CDC42SE2: variants seen among roughly 807,000 people sequenced by gnomAD.
CDC42SE2 encodes the protein CDC42 small effector protein 2.
CDC42SE2 carries 3 observed loss-of-function variants against 11.5 expected under a neutral mutation model. The ratio of observed to expected loss-of-function variants is 0.26; its 90% CI spans 0.12 to 0.67. The LOEUF (loss-of-function observed/expected upper bound fraction) is 0.67, where lower values mean the gene tolerates loss of function less well. CDC42SE2 is among the 30% of genes least tolerant of loss of function. The pLI is 0.80. For missense variants in CDC42SE2, 82 were observed against 106.8 expected (o/e 0.77, Z 1.02); for synonymous variants, 33 against 34.8 (o/e 0.95, Z 0.18).
intron 1 of CDC42SE2, among the ~76,000 whole-genome samples, chr5:131,314,306 A>G (rs1053425878): frequency 6.7e-6 from 1 of 149,384 alleles, no homozygotes; most frequent in African/African-American, 2.5e-5. Context: ...ATCATAGCTC[A>G]CTGTAACCTC....
At chr5:131,248,313 T>C (rs1203298083) in intron 1 of CDC42SE2, among the ~76,000 whole-genome samples, 1 of 152,076 alleles carries the variant, frequency 6.6e-6, no homozygotes, top group Admixed American at 6.6e-5. Context: ...CTAATTTTTG[T>C]ATTTTTAGTA....
chr5:131,299,569 G>T (rs1757638741), intron 1 of CDC42SE2, among the ~76,000 whole-genome samples: 1 of 152,204 alleles, frequency 6.6e-6, no homozygotes, highest in Non-Finnish European at 1.5e-5. Context: ...AAGCAGAGTT[G>T]AGTTAAGAAG....
At chr5:131,240,294 C>CAGAAA in the CDC42SE2 span, among the ~76,000 whole-genome samples, 9 of 152,190 alleles carry the variant, frequency 5.9e-5, no homozygotes, top group Non-Finnish European at 8.8e-5. Context: ...TATTGGGTTT[C>CAGAAA]TCTCCTAACA....
intron 1 of CDC42SE2, among the ~76,000 whole-genome samples, chr5:131,303,809 C>T (rs1580741774): frequency 6.6e-6 from 1 of 152,066 alleles, no homozygotes; most frequent in African/African-American, 2.4e-5. Context: ...TGTGACTGCC[C>T]TAAAAGTATT....
intron 1 of CDC42SE2, among the ~76,000 whole-genome samples, chr5:131,264,495 C>T (rs890717793): frequency 2.0e-5 from 3 of 151,902 alleles, no homozygotes; most frequent in Non-Finnish European, 2.9e-5. Context: ...AGGCAGACCC[C>T]CCCCCTCCCC....
intron 1 of CDC42SE2, among the ~76,000 whole-genome samples, chr5:131,278,713 T>TC (rs1457515902): frequency 2.2e-4 from 7 of 32,178 alleles, no homozygotes; most frequent in Non-Finnish European, 3.0e-4. Flanking sequence ...TCCTTTCCTC[T>TC]CCCCTCCCCT....
At chr5:131,252,093 G>GAAGGAAGGAAGA (rs1756644172) in intron 1 of CDC42SE2, among the ~76,000 whole-genome samples, 1 of 151,154 alleles carries the variant, frequency 6.6e-6, no homozygotes, top group Non-Finnish European at 1.5e-5. Flanking sequence ...AGGAAGGAAG[G>GAAGGAAGGAAGA]AAGGAAGGAA....
chr5:131,378,753 C>CT (rs1161462033), intron 3 of CDC42SE2, among the ~76,000 whole-genome samples: 1 of 152,200 alleles, frequency 6.6e-6, no homozygotes, highest in Non-Finnish European at 1.5e-5. Flanking sequence ...ACTTCTCAAA[C>CT]TGTGGAATCA....
chr5:131,238,393 C>T, the CDC42SE2 span, among the ~76,000 whole-genome samples: 62 of 151,658 alleles, frequency 4.1e-4, no homozygotes, highest in African/African-American at 1.5e-3. Context: ...GTACCAGCTA[C>T]TCAGGAGGCT....
chr5:131,313,944 C>T (rs977411988), intron 1 of CDC42SE2, among the ~76,000 whole-genome samples: 10 of 152,166 alleles, frequency 6.6e-5, no homozygotes, highest in Admixed American at 2.6e-4. Context: ...CCTCCTGCCT[C>T]GGCCTTCCGA....
At chr5:131,309,711 T>C (rs1365509502) in intron 1 of CDC42SE2, among the ~76,000 whole-genome samples, 4 of 151,982 alleles carry the variant, frequency 2.6e-5, no homozygotes, top group Non-Finnish European at 5.9e-5. Flanking sequence ...CCATTTCTTC[T>C]AGATTTTCTA....
intron 3 of CDC42SE2, among the ~76,000 whole-genome samples, chr5:131,383,503 TAA>T (rs1224442625): frequency 2.6e-5 from 4 of 152,142 alleles, no homozygotes; most frequent in African/African-American, 9.7e-5. Flanking sequence ...TTTATATAGT[TAA>T]GTGTTTTTAG....
chr5:131,273,920 G>T (rs1180316702), intron 1 of CDC42SE2, among the ~76,000 whole-genome samples: 1 of 152,020 alleles, frequency 6.6e-6, no homozygotes, highest in Admixed American at 6.6e-5. Flanking sequence ...TGGGACCACA[G>T]GTATGTGCCA....
chr5:131,390,965 G>A (rs200039907), intron 4 of CDC42SE2, 28 bp from the exon 5 acceptor site: 2 of 1,509,210 alleles, frequency 1.3e-6, no homozygotes, highest in African/African-American at 1.4e-5. Flanking sequence ...CTTCCATTTT[G>A]TTTTGTTGTA....
At chr5:131,360,598 T>C (rs1749679521) in intron 3 of CDC42SE2, among the ~76,000 whole-genome samples, 1 of 152,346 alleles carries the variant, frequency 6.6e-6, no homozygotes, top group East Asian at 1.9e-4. Context: ...CCACAACATT[T>C]TGAATTATTT....
chr5:131,222,620 T>C, the CDC42SE2 span, among the ~76,000 whole-genome samples: 5 of 152,352 alleles, frequency 3.3e-5, no homozygotes, highest in Admixed American at 3.3e-4. Context: ...CTTGCTTTTG[T>C]ATTTCTACTG....
At chr5:131,353,911 A>G (rs999747877) in intron 2 of CDC42SE2, among the ~76,000 whole-genome samples, 1 of 141,382 alleles carries the variant, frequency 7.1e-6, no homozygotes, top group East Asian at 2.0e-4. Flanking sequence ...AACTCTGTCT[A>G]AAAAAAAAAA....
chr5:131,281,586 T>G (rs747546620), intron 1 of CDC42SE2, among the ~76,000 whole-genome samples: 6 of 152,192 alleles, frequency 3.9e-5, no homozygotes, highest in Non-Finnish European at 5.9e-5. Context: ...ATTTTTAGCC[T>G]CCTCTTTTAA....
At chr5:131,329,381 T>G (rs968172683) in intron 2 of CDC42SE2, among the ~76,000 whole-genome samples, 12 of 152,168 alleles carry the variant, frequency 7.9e-5, no homozygotes, top group African/African-American at 2.7e-4. Context: ...CCAGATTTAC[T>G]TCTGTTTTTT....
Sources: allele counts gnomAD v4.1 joint callset (sites outside exome capture counted in the v4.1 genomes callset), GRCh38; gene constraint gnomAD v4.1.1; transcripts MANE v1.5; gene names NCBI Gene and HGNC (gene_info 2026-07-23, HGNC 2026-07-21).